The following ZNF280B variants were observed in gnomAD, a reference collection of about 807,000 sequenced individuals.
ZNF280B encodes the protein suppressor of hairy wing homolog 2.
Under a neutral mutation model 38.0 loss-of-function variants are expected in ZNF280B, and 16 were observed. The observed-to-expected ratio is 0.42, with a 90% CI of 0.28 to 0.64. ZNF280B has a LOEUF of 0.64. Among genes scored for constraint, ZNF280B ranks in the 30% least tolerant of loss-of-function variants. ZNF280B has a pLI of 0.21. For missense variants in ZNF280B, 581 were observed against 639.6 expected, an observed-to-expected ratio of 0.91 and a Z score of 0.99; for synonymous variants, 253 against 230.6, an observed-to-expected ratio of 1.10 and a Z score of -0.88.
intron 2 of ZNF280B, among the ~76,000 whole-genome samples, chr22:22,505,195 A>T (rs1470957389): frequency 6.6e-6 from 1 of 151,992 alleles, no homozygotes; most frequent in Non-Finnish European, 1.5e-5. Context: ...CAATGAAAAG[A>T]GTGACAAGTT....
chr22:22,504,155 C>G (rs1309223958), intron 2 of ZNF280B, among the ~76,000 whole-genome samples: 4 of 151,888 alleles, frequency 2.6e-5, no homozygotes, highest in Admixed American at 6.6e-5. Flanking sequence ...TGTGCCAGGC[C>G]GGGCATGGTG....
chr22:22,504,863 T>A (rs1242849071), intron 2 of ZNF280B, among the ~76,000 whole-genome samples: 1 of 151,972 alleles, frequency 6.6e-6, no homozygotes, highest in Non-Finnish European at 1.5e-5. Context: ...AGAAGACCAC[T>A]CATTCAATAA....
At position 22,486,629 on chromosome 22, in the gene ZNF280B, A is replaced by C. The variant is rs1279710360; in HGVS notation, c.*1138T>G. 1.3e-5 allele frequency: 2 copies of C among 152,038 alleles called. No individual in the cohort carries two copies. The highest frequency in any genetic ancestry group is 1.3e-4 in the Admixed American group (2 of 15,228). 9.4% of individuals were successfully genotyped at this position (152,038 alleles called of 1,614,324 possible). A position where few individuals can be genotyped will look rare whatever the true frequency, so the allele number is the denominator to read the frequency against. On this transcript the variant is annotated 3_prime_UTR_variant, in exon 4 of 4. Coordinates refer to ENST00000626650, the MANE Select transcript of ZNF280B (RefSeq NM_080764.4). ...GCTAGTACCAGGCACCATTCTATTA[A>C]TTTTATTGCTATTTCACCTCAAACC...
At position 22,485,497 on chromosome 22, in the gene ZNF280B, G is replaced by A. The variant is rs1304918502; in HGVS notation, c.*2270C>T. 1.3e-5 allele frequency: 2 copies of A among 151,820 alleles called. No homozygotes were observed. Among genetic ancestry groups the A allele is most frequent in the Non-Finnish European group, 2.9e-5 (2 of 68,012 alleles). The allele number at this position is 151,820 out of a possible 1,614,324, so 9.4% of individuals were successfully genotyped here. A position where few individuals can be genotyped will look rare whatever the true frequency, so the allele number is the denominator to read the frequency against. On this transcript the variant is annotated 3_prime_UTR_variant, in exon 4 of 4. Transcript: ENST00000626650. Reference sequence around the variant, plus strand: ...TGAAAAGACCTAGTATAGTGTTCAAGGTGCAAATCAATCAAATGAGTGTCC... The same window carrying A: ...TGAAAAGACCTAGTATAGTGTTCAAAGTGCAAATCAATCAAATGAGTGTCC...
At chr22:22,505,387 G>C (rs1165841549) in intron 2 of ZNF280B, among the ~76,000 whole-genome samples, 1 of 151,664 alleles carries the variant, frequency 6.6e-6, no homozygotes, top group Non-Finnish European at 1.5e-5. Context: ...CCAACATGGT[G>C]AAACCCCGTC....
Position 22,505,723 on chromosome 22 carries a change from C to T in ZNF280B, c.-187+2087G>A, listed in dbSNP as rs189318477. Among the ~76,000 whole-genome samples, 5 of 152,000 alleles carry T rather than the reference C, an allele frequency of 3.3e-5. No individual in the cohort carries two copies. The East Asian group carries it at 9.8e-4, about 30-fold the overall frequency. ...GCAGTGAGCCGAGACTGCGCCATTG[C>T]ACTCCAGCCTGGGTGACAGAGCGAA... On this transcript the variant is annotated intron_variant, in intron 2 of 3. Transcript: ENST00000626650.
At chr22:22,489,515 T>G in intron 3 of ZNF280B, 49 bp from the exon 4 acceptor site, 2 of 864,236 alleles carry the variant, frequency 2.3e-6, no homozygotes, top group Non-Finnish European at 3.5e-6. Flanking sequence ...ATTACCTTAT[T>G]TAATTTTCCT....
chr22:22,488,674 T>C lies in ZNF280B; in HGVS notation c.725A>G (p.Asp242Gly), dbSNP rs1365412273. 6.2e-7 allele frequency: 1 copy of C among 1,613,780 alleles called. No individual in the cohort carries two copies. Among genetic ancestry groups the C allele is most frequent in the East Asian group, 2.2e-5 (1 of 44,800 alleles). The change falls in exon 4 of 4, where the codon GAC becomes GGC. Residue 242 changes from aspartate to glycine, a missense_variant. Transcript: ENST00000626650. Reference sequence around the variant, plus strand: ...ATTTATAGGCTTGAAATGGATATTGTCCTTTGGAAAAGCTGCTGGAAAAGG... The same window carrying C: ...ATTTATAGGCTTGAAATGGATATTGCCCTTTGGAAAAGCTGCTGGAAAAGG... Reference protein sequence around the residue: ...GAPFPAAFPKDNIHFKPINTN... With the variant: ...GAPFPAAFPKGNIHFKPINTN...
intron 3 of ZNF280B, among the ~76,000 whole-genome samples, chr22:22,492,622 C>G (rs2061617555): frequency 6.6e-6 from 1 of 151,910 alleles, no homozygotes; most frequent in Non-Finnish European, 1.5e-5. Context: ...CACGGTGGCT[C>G]ATGCCTGTAA....
intron 2 of ZNF280B, among the ~76,000 whole-genome samples, chr22:22,502,699 T>C (rs893933915): frequency 3.3e-5 from 5 of 151,914 alleles, no homozygotes; most frequent in African/African-American, 9.7e-5. Context: ...ATTTTACTTA[T>C]ACAAAATGTC....
intron 3 of ZNF280B, among the ~76,000 whole-genome samples, chr22:22,493,096 T>G (rs965948312): frequency 2.6e-5 from 4 of 151,674 alleles, no homozygotes; most frequent in Non-Finnish European, 4.4e-5. Context: ...CTGCAACCTC[T>G]GCTTCCCAGG....
intron 2 of ZNF280B, among the ~76,000 whole-genome samples, chr22:22,496,638 G>A (rs1343792597): frequency 6.6e-6 from 1 of 151,652 alleles, no homozygotes; most frequent in Non-Finnish European, 1.5e-5. Flanking sequence ...ATTTGTGGGG[G>A]TGGGGGACAA....
chr22:22,501,007 A>C (rs1355122991), intron 2 of ZNF280B, among the ~76,000 whole-genome samples: 1 of 133,476 alleles, frequency 7.5e-6, no homozygotes, highest in Non-Finnish European at 1.6e-5. Flanking sequence ...GCAACACACC[A>C]AGACTCCGTC....
chr22:22,489,126 A>G lies in ZNF280B; in HGVS notation c.273T>C (p.His91=), dbSNP rs765665179. 6 of 1,613,736 alleles carry G rather than the reference A, an allele frequency of 3.7e-6. No homozygotes were observed. The highest frequency in any genetic ancestry group is 2.2e-5 in the South Asian group (2 of 91,058). The change falls in exon 4 of 4, where the codon CAT becomes CAC. Residue 91 remains histidine, a synonymous_variant. Transcript: ENST00000626650. The part of the protein sequence containing the change: ...DTARKLQPKS[H]ETVTSEAVTV... ...TCACTGCTTCTGATGTAACGGTCTCATGACTTTTAGGCTGCAATTTGCGAG... is the reference window on the plus strand; with the variant it reads ...TCACTGCTTCTGATGTAACGGTCTCGTGACTTTTAGGCTGCAATTTGCGAG...
At chr22:22,496,360 AG>A (rs1219992807) in intron 2 of ZNF280B, among the ~76,000 whole-genome samples, 1 of 151,382 alleles carries the variant, frequency 6.6e-6, no homozygotes, top group Non-Finnish European at 1.5e-5. Context: ...GGCCTCCAAA[AG>A]TGCTGGGATT....
rs1199542899 is a variant in ZNF280B, at chr22:22,489,165, A to G, written c.234T>C (p.Leu78=). ...GCAATTTGCGAGCAGTATCTTTTCT[A>G]AGGTGATCATACTTTTTTCTCCTTG... ...SWSRRKKYDH[L]RKDTARKLQP... is the part of the protein sequence containing the mutation. The change falls in exon 4 of 4, where the codon CTT becomes CTC. Residue 78 remains leucine (L), a synonymous_variant. Coordinates refer to ENST00000626650, the MANE Select transcript of ZNF280B (RefSeq NM_080764.4). 6.2e-7 allele frequency: 1 copy of G among 1,613,684 alleles called. No individual in the cohort carries two copies. Among genetic ancestry groups the G allele is most frequent in the Non-Finnish European group, 8.5e-7 (1 of 1,179,950 alleles).
rs1032922859 is a variant in ZNF280B at position 22,486,873 on chromosome 22, G to C, written c.*894C>G. On this transcript the variant is annotated 3_prime_UTR_variant, in exon 4 of 4. Transcript: ENST00000626650. ...TCCCTCAACTAACCTCCGCCTTCTT[G>C]GTCTCTGCTCACGCAGCAGCTTCTC... 6.6e-6 allele frequency: 1 copy of C among 152,014 alleles called. No individual in the cohort carries two copies. The highest frequency in any genetic ancestry group is 1.5e-5 in the Non-Finnish European group (1 of 68,008). The allele number at this position is 152,014 out of a possible 1,614,324, so 9.4% of individuals were successfully genotyped here.
chr22:22,487,566 A>T lies in ZNF280B; in HGVS notation c.*201T>A, dbSNP rs2061519072. 6.1e-6 allele frequency: 3 copies of T among 489,662 alleles called. No homozygotes were observed. Among genetic ancestry groups the T allele is most frequent in the Admixed American group, 7.5e-5 (2 of 26,510 alleles). The allele number at this position is 489,662 out of a possible 1,614,324, so 30.3% of individuals were successfully genotyped here. A position where few individuals can be genotyped will look rare whatever the true frequency, so the allele number is the denominator to read the frequency against. ...ATGTGTTAAGCCAGATACAGTTAAC[A>T]TGAAAACCAGATGTTTTAAAATAAT... On this transcript the variant is annotated 3_prime_UTR_variant, in exon 4 of 4. Coordinates refer to ENST00000626650, the MANE Select transcript of ZNF280B (RefSeq NM_080764.4).
rs1040551248 is a variant in ZNF280B, at chr22:22,494,157, C to G, written c.-163G>C. 5.9e-5 allele frequency: 9 copies of G among 151,996 alleles called. No individual in the cohort carries two copies. The highest frequency in any genetic ancestry group is 1.7e-4 in the African/African-American group (7 of 41,414). 9.4% of individuals were successfully genotyped at this position (151,996 alleles called of 1,614,324 possible). A position where few individuals can be genotyped will look rare whatever the true frequency, so the allele number is the denominator to read the frequency against. ...TTCACTAAGGAACCAAATCGTCCAG[C>G]ATCTTGATCTTGAACTTCCCAGCCT... On this transcript the variant is annotated 5_prime_UTR_variant, in exon 3 of 4. An upstream start codon of the reference 5' UTR is lost. Coordinates refer to ENST00000626650, the MANE Select transcript of ZNF280B (RefSeq NM_080764.4).
Sources: allele counts gnomAD v4.1 joint callset (sites outside exome capture counted in the v4.1 genomes callset), GRCh38; gene constraint gnomAD v4.1.1; transcripts MANE v1.5; gene names NCBI Gene and HGNC (gene_info 2026-07-23, HGNC 2026-07-21).